CAMKMT: variants seen among roughly 807,000 people sequenced by gnomAD.
CAMKMT encodes CaM KMT.
CAMKMT carries 53 observed loss-of-function variants against 48.0 expected under a neutral mutation model. That is an observed-to-expected ratio of 1.10 (90% CI 0.89 to 1.39). The LOEUF is 1.39. CAMKMT is among the 40% of genes most tolerant of loss of function. The pLI is 0.00. For synonymous variants in CAMKMT, 165 were observed against 152.3 expected (o/e 1.08, Z -0.61); for missense variants, 428 against 402.7 (o/e 1.06, Z -0.54).
chr2:44,509,137 A>G (rs937212678), intron 3 of CAMKMT, among the ~76,000 whole-genome samples: 4 of 151,732 alleles, frequency 2.6e-5, no homozygotes, highest in African/African-American at 9.7e-5. Context: ...TGTAGCTTTA[A>G]TGTGAGAACA....
chr2:44,582,532 GGCACACTCACA>G, intron 3 of CAMKMT, among the ~76,000 whole-genome samples: 1 of 152,144 alleles, frequency 6.6e-6, no homozygotes, highest in Non-Finnish European at 1.5e-5. Context: ...GTATTTTAAA[GGCACACTCACA>G]GCACATAGTC....
intron 7 of CAMKMT, among the ~76,000 whole-genome samples, chr2:44,717,259 A>G (rs1053258708): frequency 1.3e-5 from 2 of 151,974 alleles, no homozygotes; most frequent in African/African-American, 4.8e-5. Flanking sequence ...TGTCATCTTC[A>G]TCTCATACTA....
At chr2:44,648,418 A>T (rs908769312) in intron 3 of CAMKMT, among the ~76,000 whole-genome samples, 1 of 152,210 alleles carries the variant, frequency 6.6e-6, no homozygotes, top group Admixed American at 6.5e-5. Context: ...TTAAAATCTC[A>T]TATGAGGAAC....
At chr2:44,722,730 G>A (rs573533677) in intron 7 of CAMKMT, among the ~76,000 whole-genome samples, 1 of 152,246 alleles carries the variant, frequency 6.6e-6, no homozygotes, top group East Asian at 1.9e-4. Flanking sequence ...GATTTCATCT[G>A]AGATGGTATA....
At chr2:44,643,434 T>C (rs991039163) in intron 3 of CAMKMT, among the ~76,000 whole-genome samples, 1 of 152,108 alleles carries the variant, frequency 6.6e-6, no homozygotes, top group African/African-American at 2.4e-5. Context: ...TTGTGATAGG[T>C]TGGAAAAGTG....
At chr2:44,694,982 C>T (rs754810005) in intron 3 of CAMKMT, among the ~76,000 whole-genome samples, 2 of 152,222 alleles carry the variant, frequency 1.3e-5, no homozygotes, top group Middle Eastern at 3.4e-3. Flanking sequence ...TTCTTAATAA[C>T]GTTTATAACG....
chr2:44,663,116 A>G lies in CAMKMT; in HGVS notation c.377-41167A>G, dbSNP rs563324659. Among the ~76,000 whole-genome samples the G allele has an allele frequency of 1.6e-4, 25 of 152,342 alleles. No individual in the cohort carries two copies. In the South Asian group the frequency reaches 5.2e-3, roughly 32 times the overall value. On this transcript the variant is annotated intron_variant, in intron 3 of 10. Transcript: ENST00000378494. ...TCTTAAACAGCCATGGTATAATTAT[A>G]AAATCAGGAAATTTAACATTGGTAT...
rs1177409534 is a variant in CAMKMT at position 44,696,375 on chromosome 2, C to T, written c.377-7908C>T. On this transcript the variant is annotated intron_variant, in intron 3 of 10. Transcript: ENST00000378494. The stretch of plus-strand genomic sequence containing the variant: ...GGTATGGAGTGGAGGAGTCCTAGAA[C>T]TAATCCCCCACAAATATTGAGGGGC... Among the ~76,000 whole-genome samples, 4 of 152,132 alleles carry T rather than the reference C, an allele frequency of 2.6e-5. No individual in the cohort carries two copies. In the East Asian group the frequency reaches 7.7e-4, roughly 29 times the overall value.
chr2:44,641,059 C>A (rs1572977275), intron 3 of CAMKMT, among the ~76,000 whole-genome samples: 1 of 152,170 alleles, frequency 6.6e-6, no homozygotes, highest in African/African-American at 2.4e-5. Context: ...CTTTCAAACA[C>A]ACAGAGTGAT....
At chr2:44,536,731 G>T (rs1178028981) in intron 3 of CAMKMT, among the ~76,000 whole-genome samples, 1 of 152,134 alleles carries the variant, frequency 6.6e-6, no homozygotes, top group Non-Finnish European at 1.5e-5. Flanking sequence ...AAAGAACAAA[G>T]CTGGAGGCAT....
intron 3 of CAMKMT, among the ~76,000 whole-genome samples, chr2:44,597,686 A>T (rs1161753031): frequency 6.6e-6 from 1 of 152,158 alleles, no homozygotes; most frequent in Non-Finnish European, 1.5e-5. Context: ...TATGTTTAAA[A>T]TACAATTGTG....
In CAMKMT at chr2:44,372,883, C is replaced by T. The variant is rs200860760; in HGVS notation, c.306C>T (p.Ser102=). The T allele has an allele frequency of 2.1e-4, 330 of 1,608,578 alleles. 1 individual carries two copies. The highest frequency in any genetic ancestry group is 1.0e-4 in the Non-Finnish European group (123 of 1,178,294). Residue 102 remains serine, a synonymous_variant, in exon 2 of 11, where the codon TCC becomes TCT. Transcript: ENST00000378494. The stretch of plus-strand genomic sequence containing the variant: ...TCTTCTGTCCTGAATACAGTATCTC[C>T]TTAAGGTAACCATTATTCTAGTTAA... ...TSIFCPEYSI[S]LRHNSGSLNV...
intron 3 of CAMKMT, among the ~76,000 whole-genome samples, chr2:44,615,422 G>A (rs1240443544): frequency 6.6e-6 from 1 of 152,166 alleles, no homozygotes; most frequent in Non-Finnish European, 1.5e-5. Flanking sequence ...ATCAAGAAAA[G>A]TAGACAGATT....
At position 44,362,091 on chromosome 2, in the gene CAMKMT, G is replaced by A; in HGVS notation, c.84G>A (p.Arg28=). 1 of 1,462,360 alleles carries A rather than the reference G, an allele frequency of 6.8e-7. No individual in the cohort carries two copies. Among genetic ancestry groups the A allele is most frequent in the Non-Finnish European group, 8.9e-7 (1 of 1,117,804 alleles). The allele number at this position is 1,462,360 out of a possible 1,614,324, so 90.6% of individuals were successfully genotyped here. A position where few individuals can be genotyped will look rare whatever the true frequency, so the allele number is the denominator to read the frequency against. Residue 28 remains arginine, a synonymous_variant, in exon 1 of 11, where the codon CGG becomes CGA. Coordinates refer to ENST00000378494, the MANE Select transcript of CAMKMT (RefSeq NM_024766.5). Reference sequence around the variant, plus strand: ...GTCCGGCAGTTGGCTGCACCACTCGGGGGCCCGTAGTCTCGGCGCCCCTGG... The same window carrying A: ...GTCCGGCAGTTGGCTGCACCACTCGAGGGCCCGTAGTCTCGGCGCCCCTGG... ...GGSPAVGCTT[R]GPVVSAPLGA...
intron 3 of CAMKMT, among the ~76,000 whole-genome samples, chr2:44,564,386 G>A (rs1668498384): frequency 6.6e-6 from 1 of 151,964 alleles, no homozygotes; most frequent in African/African-American, 2.4e-5. Flanking sequence ...CCTTGGCCAG[G>A]TTAGTCTCAA....
intron 3 of CAMKMT, among the ~76,000 whole-genome samples, chr2:44,439,855 A>C (rs1054431445): frequency 3.9e-5 from 6 of 152,100 alleles, no homozygotes; most frequent in Non-Finnish European, 7.4e-5. Flanking sequence ...GGGAGGACTT[A>C]CATCCATCTG....
At chr2:44,565,718 AC>A (rs1668578679) in intron 3 of CAMKMT, among the ~76,000 whole-genome samples, 1 of 152,020 alleles carries the variant, frequency 6.6e-6, no homozygotes, top group Admixed American at 6.6e-5. Context: ...AAAAAAAAAA[AC>A]AAAACTCCCC....
At chr2:44,441,662 G>C (rs1666672421) in intron 3 of CAMKMT, among the ~76,000 whole-genome samples, 1 of 152,010 alleles carries the variant, frequency 6.6e-6, no homozygotes, top group African/African-American at 2.4e-5. Context: ...GATATTTGTA[G>C]ATATAATTTC....
chr2:44,541,927 G>A (rs1572754462), intron 3 of CAMKMT, among the ~76,000 whole-genome samples: 2 of 152,224 alleles, frequency 1.3e-5, no homozygotes, highest in South Asian at 4.1e-4. Flanking sequence ...TCAGGAGTTT[G>A]AGACCAACTT....
Sources: allele counts gnomAD v4.1 joint callset (sites outside exome capture counted in the v4.1 genomes callset), GRCh38; gene constraint gnomAD v4.1.1; transcripts MANE v1.5; gene names NCBI Gene and HGNC (gene_info 2026-07-23, HGNC 2026-07-21).